TFAP2D: variants seen among roughly 807,000 people sequenced by gnomAD.
TFAP2D encodes the protein transcription factor AP-2 delta, also known as transcription factor AP-2-delta.
A neutral mutation model predicts 43.6 loss-of-function variants in TFAP2D; 9 were observed. The ratio of observed to expected loss-of-function variants is 0.21; its 90% CI spans 0.12 to 0.36. The LOEUF is 0.36. TFAP2D is among the 10% of genes least tolerant of loss of function. The pLI is 1.00. For missense variants in TFAP2D, 513 were observed against 561.4 expected, an observed-to-expected ratio of 0.91 and a Z score of 0.87; for synonymous variants, 256 against 224.9, an observed-to-expected ratio of 1.14 and a Z score of -1.24.
chr6:50,724,839 G>T (rs1215961009), intron 3 of TFAP2D, among the ~76,000 whole-genome samples: 1 of 151,890 alleles, frequency 6.6e-6, no homozygotes, highest in Non-Finnish European at 1.5e-5. Context: ...CGGGGTAGTT[G>T]TTTTTTTAAA....
chr6:50,770,102 T>C (rs1045732933), intron 7 of TFAP2D, among the ~76,000 whole-genome samples: 1 of 152,180 alleles, frequency 6.6e-6, no homozygotes, highest in African/African-American at 2.4e-5. Flanking sequence ...TGGGGTCAAA[T>C]ATCTGGACAT....
intron 7 of TFAP2D, among the ~76,000 whole-genome samples, chr6:50,767,951 T>A (rs1302080632): frequency 6.6e-6 from 1 of 152,232 alleles, no homozygotes; most frequent in Non-Finnish European, 1.5e-5. Flanking sequence ...TCATTGAGGA[T>A]AGAGTTTTAG....
chr6:50,728,184 T>C (rs377153984), intron 3 of TFAP2D, among the ~76,000 whole-genome samples: 24 of 152,214 alleles, frequency 1.6e-4, no homozygotes, highest in East Asian at 1.5e-3. Context: ...AAAACAATAT[T>C]ATTGTCAGCT....
intron 5 of TFAP2D, among the ~76,000 whole-genome samples, chr6:50,740,837 A>T (rs1769033653): frequency 6.6e-6 from 1 of 152,190 alleles, no homozygotes; most frequent in Admixed American, 6.5e-5. Flanking sequence ...TATAAAACTC[A>T]GGATCTTGGC....
chr6:50,766,539 T>G (rs1018706154), intron 7 of TFAP2D, among the ~76,000 whole-genome samples: 2 of 152,014 alleles, frequency 1.3e-5, no homozygotes, highest in Non-Finnish European at 2.9e-5. Context: ...TTTCTTTCAT[T>G]AGTGTCTTAT....
chr6:50,733,994 G>T (rs1324443718), intron 5 of TFAP2D, among the ~76,000 whole-genome samples: 2 of 151,616 alleles, frequency 1.3e-5, no homozygotes, highest in Non-Finnish European at 2.9e-5. Flanking sequence ...GTATGTGTGT[G>T]TGTGTGTGTG....
intron 5 of TFAP2D, among the ~76,000 whole-genome samples, chr6:50,738,644 C>T (rs1360526481): frequency 1.3e-5 from 2 of 152,068 alleles, no homozygotes; most frequent in African/African-American, 4.8e-5. Flanking sequence ...TATTGATAAT[C>T]CACCTTTTCC....
chr6:50,726,622 C>A (rs1768811185), intron 3 of TFAP2D, among the ~76,000 whole-genome samples: 1 of 152,182 alleles, frequency 6.6e-6, no homozygotes, highest in African/African-American at 2.4e-5. Context: ...TTGGGGTAGA[C>A]TTATCTAATT....
chr6:50,749,361 A>G (rs149750300), intron 6 of TFAP2D, among the ~76,000 whole-genome samples: 3,022 of 151,870 alleles, frequency 0.02, 47 homozygotes, highest in Middle Eastern at 0.062. Flanking sequence ...TATCCAATTA[A>G]TTCTGATATT....
chr6:50,747,661 T>C (rs1283470234), intron 6 of TFAP2D, among the ~76,000 whole-genome samples: 2 of 152,102 alleles, frequency 1.3e-5, no homozygotes, highest in African/African-American at 4.8e-5. Context: ...TGTTGAAGTG[T>C]GCAGCAGTCT....
intron 3 of TFAP2D, among the ~76,000 whole-genome samples, chr6:50,719,547 A>G (rs1244441316): frequency 6.6e-6 from 1 of 152,170 alleles, no homozygotes; most frequent in Non-Finnish European, 1.5e-5. Flanking sequence ...CACATCCTCC[A>G]GCAGAATTTC....
intron 2 of TFAP2D, among the ~76,000 whole-genome samples, chr6:50,718,676 C>T (rs1223030159): frequency 1.3e-5 from 2 of 152,094 alleles, no homozygotes; most frequent in Non-Finnish European, 2.9e-5. Flanking sequence ...GAAGTAGCTC[C>T]TCTGTGTCCT....
At chr6:50,728,786 G>A (rs1768843385) in intron 3 of TFAP2D, 70 bp from the exon 4 acceptor site, 35 of 1,502,050 alleles carry the variant, frequency 2.3e-5, no homozygotes, top group Non-Finnish European at 3.1e-5. Flanking sequence ...GTCTTTTGAT[G>A]TTAACTGCCT....
At chr6:50,722,820 G>A (rs774252933) in intron 3 of TFAP2D, among the ~76,000 whole-genome samples, 1 of 152,148 alleles carries the variant, frequency 6.6e-6, no homozygotes, top group African/African-American at 2.4e-5. Flanking sequence ...AAAAGGGGGG[G>A]GCGGGGGATG....
At chr6:50,714,870 T>C (rs192957259) in intron 1 of TFAP2D, among the ~76,000 whole-genome samples, 180 of 152,102 alleles carry the variant, frequency 1.2e-3, no homozygotes, top group Non-Finnish European at 2.0e-3. Context: ...CGCACCTATA[T>C]AGGGTGGGGG....
intron 5 of TFAP2D, among the ~76,000 whole-genome samples, chr6:50,742,645 ACT>A (rs1317569329): frequency 7.9e-5 from 12 of 151,850 alleles, no homozygotes; most frequent in African/African-American, 1.2e-4. Flanking sequence ...AGATAGATAG[ACT>A]CTGTTAAAAT....
At chr6:50,754,344 ATG>A (rs146556247) in intron 7 of TFAP2D, among the ~76,000 whole-genome samples, 162 of 148,056 alleles carry the variant, frequency 1.1e-3, no homozygotes, top group African/African-American at 3.6e-3. Context: ...GTGTGTGTGT[ATG>A]TGTGTGTGTG....
At chr6:50,725,766 T>C (rs915295950) in intron 3 of TFAP2D, among the ~76,000 whole-genome samples, 21 of 152,290 alleles carry the variant, frequency 1.4e-4, no homozygotes, top group Admixed American at 1.2e-3. Flanking sequence ...CCTGGTGATA[T>C]TGACCTACTA....
Position 50,713,940 on chromosome 6 carries a change from A to G in TFAP2D, c.-116A>G. The G allele has an allele frequency of 5.5e-6, 8 of 1,463,694 alleles. No individual in the cohort carries two copies. The highest frequency in any genetic ancestry group is 1.2e-5 in the South Asian group (1 of 86,430). 90.7% of individuals were successfully genotyped at this position (1,463,694 alleles called of 1,614,324 possible). On this transcript the variant is annotated 5_prime_UTR_variant, in exon 1 of 8. Coordinates refer to ENST00000008391, the MANE Select transcript of TFAP2D (RefSeq NM_172238.4). ...ACCATTACAATTTAGATATCTACCTATAGAACATTTTTTTTTTCCTTTAAA... is the reference window on the plus strand; with the variant it reads ...ACCATTACAATTTAGATATCTACCTGTAGAACATTTTTTTTTTCCTTTAAA...
Sources: allele counts gnomAD v4.1 joint callset (sites outside exome capture counted in the v4.1 genomes callset), GRCh38; gene constraint gnomAD v4.1.1; transcripts MANE v1.5; gene names NCBI Gene and HGNC (gene_info 2026-07-23, HGNC 2026-07-21).